TLL1: variants seen among roughly 807,000 people sequenced by gnomAD.
TLL1 encodes the protein tolloid like 1, also known as tolloid-like protein 1.
A neutral mutation model predicts 128.2 loss-of-function variants in TLL1; 49 were observed. The observed-to-expected ratio is 0.38, with a 90% CI of 0.30 to 0.48. The LOEUF is 0.48. Ranked by LOEUF, TLL1 falls within the 20% of genes least tolerant of loss-of-function variation. The pLI is 0.96. For synonymous variants in TLL1, 454 were observed against 418.8 expected, an observed-to-expected ratio of 1.08 and a Z score of -1.03; for missense variants, 1,123 against 1,242.0, an observed-to-expected ratio of 0.90 and a Z score of 1.44.
At chr4:165,933,099 A>G (rs937048561) in intron 1 of TLL1, among the ~76,000 whole-genome samples, 1 of 152,122 alleles carries the variant, frequency 6.6e-6, no homozygotes, top group African/African-American at 2.4e-5. Flanking sequence ...TATCACATGT[A>G]TTTTTCAAGC....
At chr4:165,894,618 C>T (rs1056453312) in intron 1 of TLL1, among the ~76,000 whole-genome samples, 4 of 152,018 alleles carry the variant, frequency 2.6e-5, no homozygotes, top group Non-Finnish European at 5.9e-5. Context: ...TTAATGTAGA[C>T]GTTAAATAGA....
At chr4:165,932,980 C>T (rs987274434) in intron 1 of TLL1, among the ~76,000 whole-genome samples, 3 of 152,100 alleles carry the variant, frequency 2.0e-5, no homozygotes, top group African/African-American at 4.8e-5. Flanking sequence ...TTACAGCTTC[C>T]GATTAGAAAG....
In TLL1 at chr4:166,041,214, G is replaced by T. The variant is rs148853422; in HGVS notation, c.1262-813G>T. 1.4e-3 allele frequency among the ~76,000 whole-genome samples: 217 copies of T among 152,184 alleles called. 1 individual carries two copies. Among genetic ancestry groups the T allele is most frequent in the African/African-American group, 5.0e-3 (206 of 41,520 alleles). On this transcript the variant is annotated intron_variant, in intron 10 of 20. Coordinates refer to ENST00000061240, the MANE Select transcript of TLL1 (RefSeq NM_012464.5). Reference sequence around the variant, plus strand: ...GCAGTGATAAAAGATACCAAGAGTAGCCTTGGGGTTTTCCTCAGGAGTGCT... The same window carrying T: ...GCAGTGATAAAAGATACCAAGAGTATCCTTGGGGTTTTCCTCAGGAGTGCT...
rs1304884559 is a variant in TLL1, at chr4:166,094,087, G to T, written c.2656+2746G>T. On this transcript the variant is annotated intron_variant, in intron 19 of 20. Transcript: ENST00000061240. ...CTGATCTCTCTTTCTTTTCCCTACA[G>T]TCATGTATTGTGATCCAATGGTAGA... Among the ~76,000 whole-genome samples, 3 of 152,058 alleles carry T rather than the reference G, an allele frequency of 2.0e-5. No individual in the cohort carries two copies. In the East Asian group the frequency reaches 5.8e-4, roughly 29 times the overall value.
chr4:165,962,274 C>A (rs990621056), intron 1 of TLL1, among the ~76,000 whole-genome samples: 1 of 152,148 alleles, frequency 6.6e-6, no homozygotes, highest in South Asian at 2.1e-4. Context: ...CATTAACAGA[C>A]ACTTCTCAAA....
intron 1 of TLL1, among the ~76,000 whole-genome samples, chr4:165,937,716 C>G (rs1733825938): frequency 6.6e-6 from 1 of 151,984 alleles, no homozygotes; most frequent in Non-Finnish European, 1.5e-5. Flanking sequence ...ATAGCAACCA[C>G]ATTTTGGATC....
intron 1 of TLL1, among the ~76,000 whole-genome samples, chr4:165,978,479 T>C (rs1735992122): frequency 6.6e-6 from 1 of 152,124 alleles, no homozygotes. Flanking sequence ...TTACACTTTA[T>C]CTTATAATAC....
chr4:165,989,604 C>T (rs1736544158), intron 2 of TLL1, 113 bp downstream of exon 2: 1 of 761,758 alleles, frequency 1.3e-6, no homozygotes, highest in East Asian at 2.5e-5. Context: ...CTCTGACTTC[C>T]TATACACAAA....
chr4:166,091,538 A>T (rs922802364), intron 19 of TLL1, among the ~76,000 whole-genome samples, 197 bp downstream of exon 19: 3 of 152,118 alleles, frequency 2.0e-5, no homozygotes, highest in Admixed American at 2.0e-4. Context: ...GTTTTAGGAA[A>T]ACCCTAGTTT....
chr4:165,901,414 G>A (rs183362475), intron 1 of TLL1, among the ~76,000 whole-genome samples: 13 of 152,198 alleles, frequency 8.5e-5, no homozygotes, highest in Admixed American at 3.3e-4. Context: ...GGTGACCTTC[G>A]GATGGGGTTT....
chr4:165,876,466 T>C (rs1730728066), intron 1 of TLL1, among the ~76,000 whole-genome samples: 1 of 152,176 alleles, frequency 6.6e-6, no homozygotes, highest in Non-Finnish European at 1.5e-5. Flanking sequence ...AAATAACAGA[T>C]TGGAGGGCAT....
chr4:165,894,198 T>A (rs1361567735), intron 1 of TLL1, among the ~76,000 whole-genome samples: 1 of 152,128 alleles, frequency 6.6e-6, no homozygotes, highest in East Asian at 1.9e-4. Context: ...ATCTGTGTGA[T>A]CTAATGATCT....
intron 1 of TLL1, among the ~76,000 whole-genome samples, chr4:165,973,173 A>G (rs1473665544): frequency 6.6e-6 from 1 of 152,120 alleles, no homozygotes; most frequent in African/African-American, 2.4e-5. Flanking sequence ...AAGTCCCACG[A>G]TAGGCCATCT....
chr4:165,913,483 G>T (rs2110875921), intron 1 of TLL1, among the ~76,000 whole-genome samples: 1 of 152,242 alleles, frequency 6.6e-6, no homozygotes, highest in East Asian at 1.9e-4. Context: ...GAGAAATTCA[G>T]GGCAAAGCTG....
chr4:166,000,831 G>C (rs1011511248), intron 5 of TLL1, among the ~76,000 whole-genome samples: 3 of 151,738 alleles, frequency 2.0e-5, no homozygotes, highest in Admixed American at 6.6e-5. Context: ...AACTACCTGG[G>C]GCAAAAACAA....
At chr4:166,033,264 A>G (rs1738855475) in intron 9 of TLL1, among the ~76,000 whole-genome samples, 1 of 152,178 alleles carries the variant, frequency 6.6e-6, no homozygotes, top group African/African-American at 2.4e-5. Flanking sequence ...TAATAGTGAA[A>G]GTTGGAAACA....
chr4:166,010,946 A>C (rs1273214981), intron 7 of TLL1, among the ~76,000 whole-genome samples: 1 of 151,262 alleles, frequency 6.6e-6, no homozygotes, highest in Non-Finnish European at 1.5e-5. Flanking sequence ...TGTCAAAGAT[A>C]ATATGATCTC....
At chr4:166,097,028 A>G (rs940964760) in intron 19 of TLL1, among the ~76,000 whole-genome samples, 1 of 152,094 alleles carries the variant, frequency 6.6e-6, no homozygotes, top group Admixed American at 6.6e-5. Flanking sequence ...TATGGGTTTT[A>G]CTATGCCAGG....
intron 1 of TLL1, among the ~76,000 whole-genome samples, chr4:165,931,540 A>G (rs964498537): frequency 6.6e-6 from 1 of 151,718 alleles, no homozygotes; most frequent in Non-Finnish European, 1.5e-5. Context: ...ACACGGTGAA[A>G]CCCCGTCTCT....
Sources: allele counts gnomAD v4.1 joint callset (sites outside exome capture counted in the v4.1 genomes callset), GRCh38; gene constraint gnomAD v4.1.1; transcripts MANE v1.5; gene names NCBI Gene and HGNC (gene_info 2026-07-23, HGNC 2026-07-21).